CLPSL2: variants seen among roughly 807,000 people sequenced by gnomAD.
CLPSL2 encodes colipase like 2.
A neutral mutation model predicts 7.9 loss-of-function variants in CLPSL2; 4 were observed. That is an observed-to-expected ratio of 0.50 (90% CI 0.25 to 1.15). The LOEUF is 1.15. Ranked by LOEUF, CLPSL2 falls within the 50% of genes most tolerant of loss-of-function variation. The pLI, the probability that CLPSL2 is intolerant of heterozygous loss-of-function variation, is 0.15. For synonymous variants in CLPSL2, 67 were observed against 53.1 expected, an observed-to-expected ratio of 1.26 and a Z score of -1.14; for missense variants, 132 against 136.6, an observed-to-expected ratio of 0.97 and a Z score of 0.17.
chr6:35,777,138 C>A (rs1767852276), intron 1 of CLPSL2, among the ~76,000 whole-genome samples: 1 of 152,150 alleles, frequency 6.6e-6, no homozygotes, highest in African/African-American at 2.4e-5. Context: ...CCCGCAGCCC[C>A]TTCATTCTCA....
Position 35,776,656 on chromosome 6 carries a change from C to T in CLPSL2, c.38C>T (p.Ser13Leu). The T allele has an allele frequency of 1.3e-6, 2 of 1,493,612 alleles. No individual in the cohort carries two copies. The highest frequency in any genetic ancestry group is 1.8e-6 in the Non-Finnish European group (2 of 1,129,200). 92.5% of individuals were successfully genotyped at this position (1,493,612 alleles called of 1,614,324 possible). A position where few individuals can be genotyped will look rare whatever the true frequency, so the allele number is the denominator to read the frequency against. Residue 13 changes from serine (S) to leucine (L), a missense_variant, in exon 1 of 3, where the codon TCG becomes TTG. Ser to Leu is a moderately radical substitution (Grantham distance 145). Transcript: ENST00000403376. Reference sequence around the variant, plus strand: ...CTGGCGCTCGTGGCGGGGGTCCTGTCGGGGGCGGTGCTGCCCCTCTGGAGC... The same window carrying T: ...CTGGCGCTCGTGGCGGGGGTCCTGTTGGGGGCGGTGCTGCCCCTCTGGAGC... ...AALALVAGVLSGAVLPLWSAL... is the reference protein window; with the variant it reads ...AALALVAGVLLGAVLPLWSAL...
At chr6:35,779,229 C>T in intron 2 of CLPSL2, 126 bp from the exon 3 acceptor site, 2 of 679,198 alleles carry the variant, frequency 2.9e-6, no homozygotes, top group Non-Finnish European at 4.9e-6. Flanking sequence ...CAGTTATAAG[C>T]TGTAGAGACA....
At chr6:35,777,386 G>C in intron 1 of CLPSL2, 73 bp from the exon 2 acceptor site, 1 of 1,530,296 alleles carries the variant, frequency 6.5e-7, no homozygotes, top group Non-Finnish European at 8.9e-7. Flanking sequence ...GCAATGGTGG[G>C]AACCCTCCCC....
intron 2 of CLPSL2, 47 bp downstream of exon 2, chr6:35,777,628 AGG>A (rs912995568): frequency 3.9e-6 from 6 of 1,556,856 alleles, no homozygotes; most frequent in African/African-American, 1.4e-5. Context: ...AGAAGCGGGC[AGG>A]GAGGTTAAAA....
chr6:35,778,024 C>G, intron 2 of CLPSL2: 1 of 635,772 alleles, frequency 1.6e-6, no homozygotes, highest in South Asian at 1.6e-5. Context: ...GGCATGATCT[C>G]GGCTCACTGC....
At chr6:35,777,684 T>C (rs1452467513) in intron 2 of CLPSL2, 103 bp downstream of exon 2, 1 of 1,330,972 alleles carries the variant, frequency 7.5e-7, no homozygotes, top group African/African-American at 1.5e-5. Flanking sequence ...CTGTCTGGAG[T>C]GCCCTTCTTC....
intron 2 of CLPSL2, 98 bp downstream of exon 2, chr6:35,777,679 T>A: frequency 7.4e-7 from 1 of 1,342,714 alleles, no homozygotes. Flanking sequence ...CACCTCTGTC[T>A]GGAGTGCCCT....
In CLPSL2 at chr6:35,776,669, G is replaced by C. The variant is rs1237229343; in HGVS notation, c.51G>C (p.Leu17=). 1 of 1,484,894 alleles carries C rather than the reference G, an allele frequency of 6.7e-7. No homozygotes were observed. The highest frequency in any genetic ancestry group is 2.3e-5 in the Admixed American group (1 of 44,366). The allele number at this position is 1,484,894 out of a possible 1,614,324, so 92.0% of individuals were successfully genotyped here. Residue 17 remains leucine (L), a synonymous_variant, in exon 1 of 3, where the codon CTG becomes CTC. Coordinates refer to ENST00000403376, the MANE Select transcript of CLPSL2 (RefSeq NM_207409.4). ...CGGGGGTCCTGTCGGGGGCGGTGCT[G>C]CCCCTCTGGAGCGCGCTTCCGCAAT... The part of the protein sequence containing the change: ...LVAGVLSGAV[L]PLWSALPQYK...
intron 1 of CLPSL2, among the ~76,000 whole-genome samples, chr6:35,777,255 C>A (rs1193841537): frequency 6.6e-6 from 1 of 152,198 alleles, no homozygotes; most frequent in African/African-American, 2.4e-5. Context: ...AAGTGCTAAT[C>A]CCCCTCTCCT....
rs554035057 is a variant in CLPSL2 at position 35,777,974 on chromosome 6, G to A, written c.207+393G>A. ...TTATTGTTGTTTGTTTGTTTGTTTC[G>A]AGATGGAGTCTCGCTCTGTCACCCA... On this transcript the variant is annotated intron_variant, in intron 2 of 2. Transcript: ENST00000403376. The A allele has an allele frequency of 1.7e-3, 1,204 of 708,500 alleles. 29 individuals are homozygous for A. In the South Asian group the frequency reaches 0.018, roughly 10 times the overall value. 43.9% of individuals were successfully genotyped at this position (708,500 alleles called of 1,614,324 possible). A position where few individuals can be genotyped will look rare whatever the true frequency, so the allele number is the denominator to read the frequency against.
At position 35,776,755 on chromosome 6, in the gene CLPSL2, G is replaced by T. The variant is rs111305117; in HGVS notation, c.84+53G>T. 2,736 of 1,326,410 alleles carry T rather than the reference G, an allele frequency of 2.1e-3. 30 individuals are homozygous for T. In the African/African-American group the frequency reaches 0.029, roughly 14 times the overall value. The allele number at this position is 1,326,410 out of a possible 1,614,324, so 82.2% of individuals were successfully genotyped here. A position where few individuals can be genotyped will look rare whatever the true frequency, so the allele number is the denominator to read the frequency against. On this transcript the variant is annotated intron_variant, in intron 1 of 2. Coordinates refer to ENST00000403376, the MANE Select transcript of CLPSL2 (RefSeq NM_207409.4). ...CGCGACCGCAGGAGAGGGTGGCCCCGCCGCCGGGGCACTGGAGCCCGAAGG... is the reference window on the plus strand; with the variant it reads ...CGCGACCGCAGGAGAGGGTGGCCCCTCCGCCGGGGCACTGGAGCCCGAAGG...
At chr6:35,778,653 C>T (rs766440772) in intron 2 of CLPSL2, among the ~76,000 whole-genome samples, 10 of 152,244 alleles carry the variant, frequency 6.6e-5, no homozygotes, top group African/African-American at 1.2e-4. Flanking sequence ...TGTTCCTGCC[C>T]ACCTGGCCCT....
intron 2 of CLPSL2, among the ~76,000 whole-genome samples, chr6:35,778,141 A>C (rs1767883803): frequency 1.3e-5 from 2 of 152,120 alleles, no homozygotes; most frequent in Admixed American, 6.6e-5. Flanking sequence ...TCTTTGGTAG[A>C]GATGGGGTTT....
intron 1 of CLPSL2, 81 bp from the exon 2 acceptor site, chr6:35,777,378 A>T (rs923562915): frequency 3.3e-5 from 49 of 1,486,536 alleles, no homozygotes; most frequent in Non-Finnish European, 4.3e-5. Context: ...GCTCTTTGGC[A>T]ATGGTGGGAA....
At chr6:35,778,660 C>T (rs975553929) in intron 2 of CLPSL2, among the ~76,000 whole-genome samples, 7 of 152,232 alleles carry the variant, frequency 4.6e-5, no homozygotes, top group African/African-American at 1.7e-4. Flanking sequence ...GCCCACCTGG[C>T]CCTGGGCCCA....
Position 35,779,433 on chromosome 6 carries a change from C to G in CLPSL2, c.286C>G (p.Arg96Gly). 1 of 1,582,908 alleles carries G rather than the reference C, an allele frequency of 6.3e-7. No homozygotes were observed. The highest frequency in any genetic ancestry group is 8.6e-7 in the Non-Finnish European group (1 of 1,164,388). Residue 96 changes from arginine to glycine, a missense_variant, in exon 3 of 3, where the codon CGG becomes GGG. Transcript: ENST00000403376. The part of the protein sequence containing the change: ...CISKDLMCSR[R>G]CHMI Reference sequence around the variant, plus strand: ...ATCCAAGGACTTGATGTGTTCCCGCCGGTGCCATATGATTTAGAGGAAGAT... The same window carrying G: ...ATCCAAGGACTTGATGTGTTCCCGCGGGTGCCATATGATTTAGAGGAAGAT...
chr6:35,779,360 G>C lies in CLPSL2; in HGVS notation c.213G>C (p.Lys71Asn). 6.4e-7 allele frequency: 1 copy of C among 1,567,106 alleles called. No homozygotes were observed. The highest frequency in any genetic ancestry group is 8.7e-7 in the Non-Finnish European group (1 of 1,152,386). The change falls in exon 3 of 3, where the codon AAG becomes AAC. Residue 71 changes from lysine (K) to asparagine (N), a missense_variant. Physicochemically the swap from Lys to Asn is moderately conservative, Grantham distance 94. Transcript: ENST00000403376. ...CTCATACCCACTCCCTGCAGACCAA[G>C]GGAGCTACCAACATCATCTGCCCTT... ...RITMICLPQT[K>N]GATNIICPCR...
chr6:35,779,037 G>T lies in CLPSL2; in HGVS notation c.208-318G>T, dbSNP rs577157706. 3.3e-5 allele frequency among the ~76,000 whole-genome samples: 5 copies of T among 152,228 alleles called. No homozygotes were observed. The East Asian group carries it at 7.7e-4, about 24-fold the overall frequency. Reference sequence around the variant, plus strand: ...TCCACCCGCCTCGGCCTTCCAAAGCGCTGGGATTACAGGGGTGAGCCACCG... The same window carrying T: ...TCCACCCGCCTCGGCCTTCCAAAGCTCTGGGATTACAGGGGTGAGCCACCG... On this transcript the variant is annotated intron_variant, in intron 2 of 2. Coordinates refer to ENST00000403376, the MANE Select transcript of CLPSL2 (RefSeq NM_207409.4).
intron 1 of CLPSL2, 26 bp from the exon 2 acceptor site, chr6:35,777,433 G>A: frequency 6.2e-7 from 1 of 1,611,434 alleles, no homozygotes; most frequent in Non-Finnish European, 8.5e-7. Context: ...CTCCCAGCCT[G>A]GCAGACATTC....
Sources: gnomAD v4.1 joint callset for allele counts (sites outside exome capture counted in the v4.1 genomes callset) on GRCh38, gnomAD v4.1.1 for gene constraint, MANE v1.5 for transcripts, NCBI Gene and HGNC (gene_info 2026-07-23, HGNC 2026-07-21) for gene names.